The following PHLPP1 variants were observed in gnomAD, a reference collection of about 807,000 sequenced individuals.
PHLPP1 encodes PH domain and leucine rich repeat protein phosphatase 1.
In PHLPP1, 42 loss-of-function variants were observed where a neutral mutation model predicts 117.2. That is an observed-to-expected ratio of 0.36 (90% CI 0.28 to 0.46). The LOEUF is 0.46. PHLPP1 is among the 20% of genes least tolerant of loss of function. PHLPP1 has a pLI of 1.00. For synonymous variants in PHLPP1, 1,042 were observed against 970.7 expected, an observed-to-expected ratio of 1.07 and a Z score of -1.37; for missense variants, 2,084 against 2,241.9, an observed-to-expected ratio of 0.93 and a Z score of 1.42.
intron 10 of PHLPP1, among the ~76,000 whole-genome samples, chr18:62,929,262 C>A (rs1404807523): frequency 6.6e-6 from 1 of 152,130 alleles, no homozygotes; most frequent in Non-Finnish European, 1.5e-5. Context: ...CCTGTAGTCA[C>A]ATGTAGCTTT....
At position 62,919,992 on chromosome 18, in the gene PHLPP1, G is replaced by C. The variant is rs1909414375; in HGVS notation, c.2838G>C (p.Leu946=). 1 of 1,607,118 alleles carries C rather than the reference G, an allele frequency of 6.2e-7. No individual in the cohort carries two copies. Among genetic ancestry groups the C allele is most frequent in the East Asian group, 2.2e-5 (1 of 44,748 alleles). The change falls in exon 10 of 17, where the codon CTG becomes CTC. Residue 946 remains leucine (L), a synonymous_variant. Coordinates refer to ENST00000262719, the MANE Select transcript of PHLPP1 (RefSeq NM_194449.4). ...LFCNSSLRKL[L]AGHNQLARLP... is the part of the protein sequence containing the mutation. ...GTAATAGCAGTCTCCGGAAACTACT[G>C]GCAGGACACAACCAGTTGGCAAGGC...
chr18:62,969,602 G>C (rs1479409454), intron 14 of PHLPP1, among the ~76,000 whole-genome samples: 1 of 152,106 alleles, frequency 6.6e-6, no homozygotes, highest in Non-Finnish European at 1.5e-5. Context: ...ATATGGATTT[G>C]TCTGTTTCTC....
chr18:62,824,298 C>CA, intron 1 of PHLPP1: 2 of 395,150 alleles, frequency 5.1e-6, no homozygotes, highest in Non-Finnish European at 9.8e-6. Context: ...TGTTCTCCAT[C>CA]AAAATAGAAA....
chr18:62,778,568 C>T (rs1357188826), intron 1 of PHLPP1, among the ~76,000 whole-genome samples: 1 of 152,080 alleles, frequency 6.6e-6, no homozygotes, highest in African/African-American at 2.4e-5. Context: ...TCCATCAGGG[C>T]CTTGCTGTTG....
intron 1 of PHLPP1, among the ~76,000 whole-genome samples, chr18:62,740,711 G>A (rs1177023232): frequency 1.3e-5 from 2 of 152,212 alleles, no homozygotes; most frequent in Non-Finnish European, 2.9e-5. Flanking sequence ...GGTGGCTCAT[G>A]CCTGTAATCC....
At position 62,903,159 on chromosome 18, in the gene PHLPP1, T is replaced by A; in HGVS notation, c.2640T>A (p.Ser880=). The change falls in exon 7 of 17, where the codon TCT becomes TCA. Residue 880 remains serine, a synonymous_variant. Transcript: ENST00000262719. ...CGYFLKALYA[S]SNELVQLDVY... ...ATTTCCTAAAAGCGCTCTATGCCTC[T>A]TCTAATGGTATGTATCATAGGCTAC... The A allele has an allele frequency of 1.2e-6, 2 of 1,607,010 alleles. No individual in the cohort carries two copies. The highest frequency in any genetic ancestry group is 2.2e-5 in the South Asian group (2 of 90,954).
At chr18:62,785,998 A>T (rs542764103) in intron 1 of PHLPP1, among the ~76,000 whole-genome samples, 3 of 152,164 alleles carry the variant, frequency 2.0e-5, no homozygotes, top group Non-Finnish European at 1.5e-5. Context: ...TTGACTTTCT[A>T]TCCCTGCCTT....
chr18:62,738,727 TA>T (rs145087094), intron 1 of PHLPP1, among the ~76,000 whole-genome samples: 1,803 of 152,292 alleles, frequency 0.012, 31 homozygotes, highest in African/African-American at 0.041. Flanking sequence ...ATGGAACAGT[TA>T]ATAACAATAC....
chr18:62,723,939 CT>C (rs772295017), intron 1 of PHLPP1, among the ~76,000 whole-genome samples: 29 of 152,110 alleles, frequency 1.9e-4, no homozygotes, highest in Non-Finnish European at 3.5e-4. Context: ...ATTAGAGAGC[CT>C]GTTTTTTTTG....
chr18:62,903,564 C>T (rs1044656997), intron 7 of PHLPP1, among the ~76,000 whole-genome samples: 2 of 152,020 alleles, frequency 1.3e-5, no homozygotes, highest in African/African-American at 4.8e-5. Flanking sequence ...TTCGGGATCT[C>T]CAGTTTCATG....
chr18:62,830,482 G>T (rs1914728342), intron 2 of PHLPP1, among the ~76,000 whole-genome samples: 1 of 152,126 alleles, frequency 6.6e-6, no homozygotes, highest in South Asian at 2.1e-4. Context: ...GCCCACCTCG[G>T]CCTCCCAAAG....
intron 3 of PHLPP1, 91 bp downstream of exon 3, chr18:62,839,000 T>TTAG: frequency 7.4e-7 from 1 of 1,360,184 alleles, no homozygotes; most frequent in Non-Finnish European, 1.0e-6. Flanking sequence ...TATGGTTAGT[T>TTAG]ACACACACTT....
intron 4 of PHLPP1, among the ~76,000 whole-genome samples, chr18:62,876,085 T>G (rs1341646990): frequency 6.6e-6 from 1 of 152,160 alleles, no homozygotes; most frequent in African/African-American, 2.4e-5. Flanking sequence ...TGTATTTCTC[T>G]TTGGTTGAAA....
chr18:62,933,921 C>T (rs759915570), intron 10 of PHLPP1, among the ~76,000 whole-genome samples: 51 of 151,954 alleles, frequency 3.4e-4, no homozygotes, highest in Non-Finnish European at 5.3e-4. Context: ...GAGCAAAGGA[C>T]ATGAATAGAC....
intron 1 of PHLPP1, among the ~76,000 whole-genome samples, chr18:62,791,338 CAT>C (rs1419663788): frequency 3.3e-5 from 5 of 152,094 alleles, no homozygotes; most frequent in East Asian, 3.9e-4. Flanking sequence ...TGTGTAGCCA[CAT>C]GTTTCCTCCT....
In PHLPP1 at chr18:62,845,323, A is replaced by G. The variant is rs182566086; in HGVS notation, c.1899+6414A>G. On this transcript the variant is annotated intron_variant, in intron 3 of 16. Coordinates refer to ENST00000262719, the MANE Select transcript of PHLPP1 (RefSeq NM_194449.4). ...GGCCATTGACTTGAGGGAAAAAGTCATTGCAGTGAACTTCTGGTTGCCGTG... is the reference window on the plus strand; with the variant it reads ...GGCCATTGACTTGAGGGAAAAAGTCGTTGCAGTGAACTTCTGGTTGCCGTG... Among the ~76,000 whole-genome samples the G allele has an allele frequency of 5.9e-5, 9 of 152,274 alleles. No homozygotes were observed. The East Asian group carries it at 1.7e-3, about 29-fold the overall frequency.
At chr18:62,864,365 G>A (rs1915716642) in intron 4 of PHLPP1, among the ~76,000 whole-genome samples, 1 of 152,184 alleles carries the variant, frequency 6.6e-6, no homozygotes, top group Admixed American at 6.5e-5. Flanking sequence ...AAGGGTTGTA[G>A]AGGAATGAAG....
chr18:62,771,211 CAAAAAA>C (rs766950169), intron 1 of PHLPP1, among the ~76,000 whole-genome samples: 4 of 58,730 alleles, frequency 6.8e-5, no homozygotes, highest in Admixed American at 3.8e-4. Context: ...GAGACTGTCT[CAAAAAA>C]AAAAAAAAAA....
intron 3 of PHLPP1, chr18:62,839,245 A>G (rs1719456032): frequency 5.2e-6 from 1 of 192,346 alleles, no homozygotes; most frequent in Non-Finnish European, 1.1e-5. Context: ...CAAAATACCC[A>G]GAGAATTGTT....
Sources: allele counts gnomAD v4.1 joint callset (sites outside exome capture counted in the v4.1 genomes callset), GRCh38; gene constraint gnomAD v4.1.1; transcripts MANE v1.5; gene names NCBI Gene and HGNC (gene_info 2026-07-23, HGNC 2026-07-21).